CD58: variants seen among roughly 807,000 people sequenced by gnomAD.
The protein encoded by CD58 is lymphocyte function-associated antigen 3.
CD58 carries 14 observed loss-of-function variants against 27.6 expected under a neutral mutation model. That is an observed-to-expected ratio of 0.51 (90% CI 0.34 to 0.79). CD58 has a LOEUF of 0.79. Among genes scored for constraint, CD58 ranks in the 30% least tolerant of loss-of-function variants. CD58 has a pLI of 0.02. For synonymous variants in CD58, 117 were observed against 103.8 expected (o/e 1.13, Z -0.77); for missense variants, 268 against 301.7 (o/e 0.89, Z 0.83).
At chr1:116,542,133 C>G (rs1658007481) in intron 2 of CD58, among the ~76,000 whole-genome samples, 1 of 152,300 alleles carries the variant, frequency 6.6e-6, no homozygotes, top group South Asian at 2.1e-4. Flanking sequence ...ACAAAATTAG[C>G]CAGGCATGGT....
intron 1 of CD58, 92 bp from the exon 2 acceptor site, chr1:116,544,696 C>G (rs1658107031): frequency 1.2e-6 from 1 of 802,220 alleles, no homozygotes. Flanking sequence ...AGCTGACAAA[C>G]TGCTGACACA....
rs1034928954 is a variant in CD58 at position 116,517,935 on chromosome 1, G to T, written c.743+1296C>A. Among the ~76,000 whole-genome samples, 1 of 152,080 alleles carries T rather than the reference G, an allele frequency of 6.6e-6. No homozygotes were observed. The highest frequency in any genetic ancestry group is 2.4e-5 in the African/African-American group (1 of 41,398). On this transcript the variant is annotated intron_variant, in intron 5 of 5. Transcript: ENST00000369489. This position sits in a 1 kb window ranked among gnomAD's most constrained non-coding sequence, Gnocchi z 6.5. ...CTGTGTGACTCCTCTGTGACACTTG[G>T]TCCTGTCGCTTTTATTTTTCTTGAA...
In CD58 at chr1:116,557,842, T is replaced by A. The variant is rs1658612876; in HGVS notation, c.70+13061A>T. The stretch of plus-strand genomic sequence containing the variant: ...TTGCATGCCACCACGCCCAGCTAAT[T>A]TTTATATTTTTTGTAGAAACAAGGT... On this transcript the variant is annotated intron_variant, in intron 1 of 5. Transcript: ENST00000369489. The surrounding 1 kb of genome is among the most constrained non-coding windows in gnomAD (Gnocchi z 5.2). 6.6e-6 allele frequency among the ~76,000 whole-genome samples: 1 copy of A among 151,888 alleles called. No homozygotes were observed. The highest frequency in any genetic ancestry group is 1.5e-5 in the Non-Finnish European group (1 of 67,978).
rs759865733 is a variant in CD58, at chr1:116,546,217, G to C, written c.71-1613C>G. Among the ~76,000 whole-genome samples, 1 of 152,200 alleles carries C rather than the reference G, an allele frequency of 6.6e-6. No homozygotes were observed. The highest frequency in any genetic ancestry group is 2.1e-4 in the South Asian group (1 of 4,836). ...AGCTATTTTAAGTTAACATTAAAGAGCAATTAAAATTTGACTGAAGTTTTT... is the reference window on the plus strand; with the variant it reads ...AGCTATTTTAAGTTAACATTAAAGACCAATTAAAATTTGACTGAAGTTTTT... On this transcript the variant is annotated intron_variant, in intron 1 of 5. Transcript: ENST00000369489. This position sits in a 1 kb window ranked among gnomAD's most constrained non-coding sequence, Gnocchi z 4.1.
intron 3 of CD58, among the ~76,000 whole-genome samples, chr1:116,530,052 A>G (rs1163210702): frequency 6.6e-6 from 1 of 152,242 alleles, no homozygotes; most frequent in Non-Finnish European, 1.5e-5. Flanking sequence ...AAATCAAAGA[A>G]AACTTTAAAA....
At chr1:116,569,452 T>C (rs948585920) in intron 1 of CD58, among the ~76,000 whole-genome samples, 2 of 152,126 alleles carry the variant, frequency 1.3e-5, no homozygotes, top group Non-Finnish European at 2.9e-5. Flanking sequence ...CAGCAATCTT[T>C]TCCCACATTA....
At chr1:116,555,260 T>A (rs189262945) in intron 1 of CD58, among the ~76,000 whole-genome samples, 85 of 152,150 alleles carry the variant, frequency 5.6e-4, no homozygotes, top group Non-Finnish European at 1.0e-3. Context: ...GAAGTAGAAA[T>A]CATAATGCCC....
chr1:116,543,754 C>T (rs1160145233), intron 2 of CD58, among the ~76,000 whole-genome samples: 3 of 152,012 alleles, frequency 2.0e-5, no homozygotes, highest in African/African-American at 7.3e-5. Flanking sequence ...GAAACACCAT[C>T]TCTACTAAAA....
intron 2 of CD58, among the ~76,000 whole-genome samples, chr1:116,542,933 A>G (rs1658038681): frequency 6.6e-6 from 1 of 152,314 alleles, no homozygotes; most frequent in East Asian, 1.9e-4. Flanking sequence ...AGTCTAGAGA[A>G]GGAGGTATTC....
At chr1:116,551,551 T>G (rs192346170) in intron 1 of CD58, among the ~76,000 whole-genome samples, 93 of 152,314 alleles carry the variant, frequency 6.1e-4, no homozygotes, top group African/African-American at 1.9e-3. Context: ...GGCTTGATCT[T>G]CTATGCAGAC....
chr1:116,553,225 GT>G (rs1017428009), intron 1 of CD58, among the ~76,000 whole-genome samples: 1 of 150,708 alleles, frequency 6.6e-6, no homozygotes, highest in South Asian at 2.1e-4. Flanking sequence ...CTGTATTATA[GT>G]TTTTTTTCAA....
In CD58 at chr1:116,521,903, T is replaced by A; in HGVS notation, c.706+3A>T. On this transcript the variant is annotated splice_donor_region_variant and intron_variant, in intron 4 of 5. Coordinates refer to ENST00000369489, the MANE Select transcript of CD58 (RefSeq NM_001779.3). This position sits in a 1 kb window ranked among gnomAD's most constrained non-coding sequence, Gnocchi z 5.6. ...ACTATTTTGTTTTAAAAAGCATACA[T>A]ACCATTCATATACAGCACAATACAT... is the stretch of plus-strand genomic sequence containing the variant. The A allele has an allele frequency of 6.9e-7, 1 of 1,453,740 alleles. No individual in the cohort carries two copies. The highest frequency in any genetic ancestry group is 9.6e-7 in the Non-Finnish European group (1 of 1,037,344). 90.1% of individuals were successfully genotyped at this position (1,453,740 alleles called of 1,614,324 possible). A position where few individuals can be genotyped will look rare whatever the true frequency, so the allele number is the denominator to read the frequency against.
chr1:116,516,359 C>T lies in CD58; in HGVS notation c.744-1537G>A, dbSNP rs965164558. The stretch of plus-strand genomic sequence containing the variant: ...GTAAGCTCCTCTCTCAATCTCAGCC[C>T]CAAATACTCAGGTCTCTCCCTAGAA... On this transcript the variant is annotated intron_variant, in intron 5 of 5. Coordinates refer to ENST00000369489, the MANE Select transcript of CD58 (RefSeq NM_001779.3). This position sits in a 1 kb window ranked among gnomAD's most constrained non-coding sequence, Gnocchi z 6.1. Among the ~76,000 whole-genome samples the T allele has an allele frequency of 7.9e-5, 12 of 152,148 alleles. No homozygotes were observed. The highest frequency in any genetic ancestry group is 5.2e-4 in the Admixed American group (8 of 15,274).
In CD58 at chr1:116,527,647, A is replaced by G. The variant is rs1657471027; in HGVS notation, c.629-5664T>C. ...ATTTGTCTTAATTTTCTTTTCTTGTATTGTTCTTTGGTTTTAGCACAAGAA... is the reference window on the plus strand; with the variant it reads ...ATTTGTCTTAATTTTCTTTTCTTGTGTTGTTCTTTGGTTTTAGCACAAGAA... On this transcript the variant is annotated intron_variant, in intron 3 of 5. Transcript: ENST00000369489. The surrounding 1 kb of genome is among the most constrained non-coding windows in gnomAD (Gnocchi z 4.4). Among the ~76,000 whole-genome samples, 1 of 152,142 alleles carries G rather than the reference A, an allele frequency of 6.6e-6. No individual in the cohort carries two copies. Among genetic ancestry groups the G allele is most frequent in the Admixed American group, 6.5e-5 (1 of 15,280 alleles).
rs1364548033 is a variant in CD58, at chr1:116,544,372, A to C, written c.303T>G (p.Asp101Glu). The C allele has an allele frequency of 3.7e-6, 6 of 1,612,446 alleles. No individual in the cohort carries two copies. The Admixed American group carries it at 6.7e-5, about 18-fold the overall frequency. ...TIYNLTSSDEDEYEMESPNIT... is the reference protein window; with the variant it reads ...TIYNLTSSDEEEYEMESPNIT... ...TATTTGGCGATTCCATTTCATACTC[A>C]TCTTCATCTGATGATGTTAAGTTGT... Residue 101 changes from aspartate to glutamate, a missense_variant, in exon 2 of 6, where the codon GAT becomes GAG. By Grantham distance (45) the Asp-to-Glu change is conservative. Transcript: ENST00000369489.
At chr1:116,565,822 G>A (rs1658911648) in intron 1 of CD58, among the ~76,000 whole-genome samples, 1 of 151,854 alleles carries the variant, frequency 6.6e-6, no homozygotes, top group African/African-American at 2.4e-5. Flanking sequence ...CCTGGTTCAG[G>A]CCATTCTCCT....
Position 116,536,154 on chromosome 1 carries a change from G to T in CD58, c.439C>A (p.His147Asn), listed in dbSNP as rs17850015. The T allele has an allele frequency of 3.7e-6, 6 of 1,612,984 alleles. No individual in the cohort carries two copies. The East Asian group carries it at 1.3e-4, about 36-fold the overall frequency. The change falls in exon 3 of 6, where the codon CAT becomes AAT. Residue 147 changes from histidine (H) to asparagine (N), a missense_variant. By Grantham distance (68) the His-to-Asn change is moderately conservative. Coordinates refer to ENST00000369489, the MANE Select transcript of CD58 (RefSeq NM_001779.3). The surrounding 1 kb of genome is among the most constrained non-coding windows in gnomAD (Gnocchi z 5.4). ...ATAAGTCCTCGATGGCTGTTGTAAT[G>T]CTCTGGTATCATGCATTGGACTTCA... is the stretch of plus-strand genomic sequence containing the variant. ...SIEVQCMIPE[H>N]YNSHRGLIMY...
chr1:116,539,181 G>A (rs1169603534), intron 2 of CD58, among the ~76,000 whole-genome samples: 1 of 152,234 alleles, frequency 6.6e-6, no homozygotes, highest in East Asian at 1.9e-4. Flanking sequence ...AATGCTAGCT[G>A]TAATAGAGCA....
chr1:116,561,297 C>T (rs748473483), intron 1 of CD58, among the ~76,000 whole-genome samples: 17 of 151,962 alleles, frequency 1.1e-4, no homozygotes, highest in African/African-American at 1.9e-4. Flanking sequence ...TGATTAGATC[C>T]GGGTTTTTTA....
Sources: gnomAD v4.1 joint callset for allele counts (sites outside exome capture counted in the v4.1 genomes callset) on GRCh38, gnomAD v4.1.1 for gene constraint, Gnocchi (gnomAD v3.1) non-coding constraint, MANE v1.5 for transcripts, NCBI Gene and HGNC (gene_info 2026-07-23, HGNC 2026-07-21) for gene names.